Variants in LNX2 observed in about 807,000 individuals in gnomAD.
LNX2 encodes ligand of numb-protein X 2.
A neutral mutation model predicts 66.2 loss-of-function variants in LNX2; 35 were observed. The ratio of observed to expected loss-of-function variants is 0.53; its 90% confidence interval spans 0.40 to 0.70. The LOEUF (loss-of-function observed/expected upper bound fraction) is 0.70, where lower values mean the gene tolerates loss of function less well. Among genes scored for constraint, LNX2 ranks in the 30% least tolerant of loss-of-function variants. The pLI, the probability that LNX2 is intolerant of heterozygous loss-of-function variation, is 0.00. For synonymous variants in LNX2, 337 were observed against 315.6 expected (o/e 1.07, Z -0.72); for missense variants, 791 against 850.8 (o/e 0.93, Z 0.87).
At chr13:27,582,669 C>A (rs1955413811) in intron 1 of LNX2, among the ~76,000 whole-genome samples, 1 of 152,086 alleles carries the variant, frequency 6.6e-6, no homozygotes, top group South Asian at 2.1e-4. Flanking sequence ...CATGTTCTCA[C>A]TCATAAGTGG....
chr13:27,574,703 C>A (rs73446852), intron 2 of LNX2, among the ~76,000 whole-genome samples: 5 of 152,084 alleles, frequency 3.3e-5, no homozygotes, highest in Non-Finnish European at 5.9e-5. Context: ...ATCTACACAT[C>A]CAAGAAGCTT....
At chr13:27,576,562 C>A (rs1333680549) in intron 2 of LNX2, among the ~76,000 whole-genome samples, 39 of 141,240 alleles carry the variant, frequency 2.8e-4, no homozygotes, top group Admixed American at 3.6e-4. Context: ...ACTAAAAGCA[C>A]AAAAAAAAAA....
chr13:27,594,547 A>G (rs778889987), intron 1 of LNX2, among the ~76,000 whole-genome samples: 9 of 152,110 alleles, frequency 5.9e-5, no homozygotes, highest in Non-Finnish European at 8.8e-5. Flanking sequence ...GTTCATTTGT[A>G]TAATAAAATT....
At chr13:27,610,284 C>T (rs1463472955) in intron 1 of LNX2, among the ~76,000 whole-genome samples, 2 of 152,196 alleles carry the variant, frequency 1.3e-5, no homozygotes, top group Non-Finnish European at 2.9e-5. Context: ...TATCTTGCAA[C>T]TATAAGAAAT....
chr13:27,599,434 C>T (rs1375917085), intron 1 of LNX2, among the ~76,000 whole-genome samples: 1 of 152,144 alleles, frequency 6.6e-6, no homozygotes, highest in Non-Finnish European at 1.5e-5. Flanking sequence ...GTTTTTCCTG[C>T]CAATGGCTCT....
intron 1 of LNX2, among the ~76,000 whole-genome samples, chr13:27,585,166 CT>C (rs112156451): frequency 2.2e-3 from 336 of 151,674 alleles, no homozygotes; most frequent in African/African-American, 7.7e-3. Flanking sequence ...TGGCTCACAC[CT>C]GTAATCCCAG....
intron 1 of LNX2, among the ~76,000 whole-genome samples, chr13:27,600,204 G>A (rs1886204): frequency 0.36 from 55,419 of 151,960 alleles, 10,861 homozygotes; most frequent in African/African-American, 0.51. Flanking sequence ...CAAAATGATC[G>A]AGAAATTTCA....
chr13:27,619,040 G>A (rs1350666099), intron 1 of LNX2, among the ~76,000 whole-genome samples: 1 of 152,202 alleles, frequency 6.6e-6, no homozygotes, highest in Non-Finnish European at 1.5e-5. Flanking sequence ...CATGCAGTAG[G>A]TACTTTATCA....
intron 7 of LNX2, 69 bp downstream of exon 7, chr13:27,556,167 T>C: frequency 7.0e-7 from 1 of 1,429,986 alleles, no homozygotes; most frequent in Non-Finnish European, 9.6e-7. Flanking sequence ...GTAGATATTC[T>C]TTATTTTTTT....
At chr13:27,567,063 C>T (rs1955214829) in intron 4 of LNX2, among the ~76,000 whole-genome samples, 2 of 151,914 alleles carry the variant, frequency 1.3e-5, no homozygotes, top group African/African-American at 4.8e-5. Context: ...GTAAGGGGAG[C>T]GAAGGGGATT....
chr13:27,548,924 A>T (rs1238796859), intron 9 of LNX2, among the ~76,000 whole-genome samples: 1 of 152,216 alleles, frequency 6.6e-6, no homozygotes, highest in East Asian at 1.9e-4. Context: ...TCTAAGCAGA[A>T]TTATTATGGA....
At chr13:27,603,432 T>C (rs1321049719) in intron 1 of LNX2, among the ~76,000 whole-genome samples, 5 of 152,332 alleles carry the variant, frequency 3.3e-5, no homozygotes, top group Admixed American at 6.5e-5. Flanking sequence ...CTGAATTAGC[T>C]TGTAAAAGCA....
At chr13:27,603,125 A>G (rs928802443) in intron 1 of LNX2, among the ~76,000 whole-genome samples, 12 of 152,170 alleles carry the variant, frequency 7.9e-5, no homozygotes, top group African/African-American at 2.4e-4. Flanking sequence ...TCAAAATACT[A>G]ACTTTTCTTT....
chr13:27,597,114 A>C (rs1375394144), intron 1 of LNX2, among the ~76,000 whole-genome samples: 1 of 152,124 alleles, frequency 6.6e-6, no homozygotes. Context: ...AAAACCTCTA[A>C]GGCCTATCCT....
At chr13:27,612,159 T>C (rs912098994) in intron 1 of LNX2, among the ~76,000 whole-genome samples, 1 of 152,216 alleles carries the variant, frequency 6.6e-6, no homozygotes, top group Non-Finnish European at 1.5e-5. Context: ...GCAGACTATA[T>C]AGAAGAGGTG....
intron 8 of LNX2, 71 bp downstream of exon 8, chr13:27,553,137 C>T: frequency 3.3e-6 from 4 of 1,215,668 alleles, no homozygotes; most frequent in East Asian, 2.4e-5. Flanking sequence ...GTAAATTTAT[C>T]ATGCTACACA....
chr13:27,595,560 TCA>T (rs1465440449), intron 1 of LNX2, among the ~76,000 whole-genome samples: 1 of 152,224 alleles, frequency 6.6e-6, no homozygotes, highest in Admixed American at 6.5e-5. Context: ...CTGCTCTAAT[TCA>T]GATTCCTACT....
intron 1 of LNX2, among the ~76,000 whole-genome samples, chr13:27,603,705 CAT>C (rs1254151132): frequency 6.6e-6 from 1 of 152,002 alleles, no homozygotes. Context: ...CCAATCCCTA[CAT>C]AGTTACTGTT....
At chr13:27,597,166 T>A (rs963407699) in intron 1 of LNX2, among the ~76,000 whole-genome samples, 3 of 152,230 alleles carry the variant, frequency 2.0e-5, no homozygotes, top group Non-Finnish European at 2.9e-5. Context: ...GCTAACTTCA[T>A]TGAAACCATA....
Sources: allele counts gnomAD v4.1 joint callset (sites outside exome capture counted in the v4.1 genomes callset), GRCh38; gene constraint gnomAD v4.1.1; transcripts MANE v1.5; gene names NCBI Gene and HGNC (gene_info 2026-07-23, HGNC 2026-07-21).